Variants in PIK3CB observed in about 807,000 individuals in gnomAD.
The protein encoded by PIK3CB is phosphatidylinositol-4,5-bisphosphate 3-kinase catalytic subunit beta.
Under a neutral mutation model 136.8 loss-of-function variants are expected in PIK3CB, and 39 were observed. The observed-to-expected ratio is 0.29, with a 90% confidence interval of 0.22 to 0.37. PIK3CB has a LOEUF of 0.37. Among genes scored for constraint, PIK3CB ranks in the 10% least tolerant of loss-of-function variants. The pLI is 1.00. For missense variants in PIK3CB, 868 were observed against 1,275.4 expected (o/e 0.68, Z 4.87); for synonymous variants, 428 against 436.6 (o/e 0.98, Z 0.25).
At chr3:138,725,518 C>T (rs1316340446) in intron 8 of PIK3CB, among the ~76,000 whole-genome samples, 1 of 152,244 alleles carries the variant, frequency 6.6e-6, no homozygotes, top group East Asian at 1.9e-4. Context: ...GGGGCTCTAT[C>T]GAATTTTTCT....
chr3:138,701,849 TAGAA>T (rs1360054274), intron 12 of PIK3CB, among the ~76,000 whole-genome samples: 1 of 150,728 alleles, frequency 6.6e-6, no homozygotes, highest in African/African-American at 2.4e-5. Flanking sequence ...TATGGAATGT[TAGAA>T]AGGTATTTTT....
intron 14 of PIK3CB, among the ~76,000 whole-genome samples, chr3:138,693,966 T>TATATAA (rs1457395869): frequency 7.1e-5 from 3 of 42,406 alleles, no homozygotes; most frequent in Non-Finnish European, 1.1e-4. Flanking sequence ...TATATATATA[T>TATATAA]TATATATATA....
intron 21 of PIK3CB, among the ~76,000 whole-genome samples, chr3:138,658,792 T>G (rs1261351134): frequency 6.6e-6 from 1 of 152,248 alleles, no homozygotes; most frequent in Non-Finnish European, 1.5e-5. Context: ...CATTCATTCA[T>G]TTAGCTTAGT....
At chr3:138,761,280 G>C (rs1434375134) in intron 2 of PIK3CB, among the ~76,000 whole-genome samples, 1 of 152,142 alleles carries the variant, frequency 6.6e-6, no homozygotes, top group East Asian at 1.9e-4. Context: ...AGGAAACAGA[G>C]AAAAAAGTTA....
chr3:138,781,736 T>C (rs1372224627), intron 2 of PIK3CB, among the ~76,000 whole-genome samples: 1 of 152,148 alleles, frequency 6.6e-6, no homozygotes, highest in Non-Finnish European at 1.5e-5. Context: ...ATTACAGGCG[T>C]GTGCCACCGT....
In PIK3CB at chr3:138,733,403, G is replaced by C; in HGVS notation, c.1008C>G (p.Val336=). ...VWENNNPFQI[V]LVKGNKLNTE... ...TGTTAAGTTTATTTCCCTTAACCAA[G>C]ACAATTTGGAAAGGGTTGTTATTTT... The change falls in exon 8 of 24, where the codon GTC becomes GTG. Residue 336 remains valine, a synonymous_variant. Coordinates refer to ENST00000674063, the MANE Select transcript of PIK3CB (RefSeq NM_006219.3). 6.4e-7 allele frequency: 1 copy of C among 1,565,624 alleles called. No individual in the cohort carries two copies.
chr3:138,710,398 A>G (rs1003247744), intron 10 of PIK3CB, among the ~76,000 whole-genome samples: 1 of 152,226 alleles, frequency 6.6e-6, no homozygotes, highest in Admixed American at 6.5e-5. Context: ...CTGCTAGTAC[A>G]TGAACATTTT....
chr3:138,743,388 A>G (rs2045283385), intron 4 of PIK3CB, among the ~76,000 whole-genome samples: 2 of 152,222 alleles, frequency 1.3e-5, no homozygotes. Context: ...TAAATTTTAT[A>G]GACTGAATTT....
At chr3:138,765,461 G>T (rs578140153) in intron 2 of PIK3CB, among the ~76,000 whole-genome samples, 1 of 152,020 alleles carries the variant, frequency 6.6e-6, no homozygotes, top group African/African-American at 2.4e-5. Flanking sequence ...AACAGCCTCC[G>T]CAAGTGATAC....
rs536135870 is a variant in PIK3CB, at chr3:138,785,244, A to C, written c.-17+11219T>G. ...CCTGTCCCGGAGGGAGGCGGGGGGA[A>C]GCTCCCGCCCGGCAGCCGCCCCCTC... On this transcript the variant is annotated intron_variant, in intron 2 of 23. Transcript: ENST00000674063. 3.4e-5 allele frequency among the ~76,000 whole-genome samples: 5 copies of C among 148,396 alleles called. No individual in the cohort carries two copies. The East Asian group carries it at 1.0e-3, about 31-fold the overall frequency.
chr3:138,656,391 G>A (rs1247918176), intron 22 of PIK3CB, 117 bp from the exon 23 acceptor site: 2 of 1,071,860 alleles, frequency 1.9e-6, no homozygotes, highest in East Asian at 2.6e-5. Flanking sequence ...AATTCCTACT[G>A]AACTAAAGGT....
intron 8 of PIK3CB, among the ~76,000 whole-genome samples, chr3:138,730,398 T>C (rs1349770038): frequency 6.6e-6 from 1 of 152,160 alleles, no homozygotes; most frequent in African/African-American, 2.4e-5. Context: ...AGGAAGAAAT[T>C]AAGTAAAGGG....
chr3:138,714,635 G>C lies in PIK3CB; in HGVS notation c.1135C>G (p.His379Asp). ...AATTCCAGTGGTTCATTCCAAATAT[G>C]ATCATTTTTCCCTGATACCTCTGAG... ...VSSEVSGKND[H>D]IWNEPLEFDI... is the part of the protein sequence containing the mutation. Residue 379 changes from histidine to aspartate, a missense_variant, in exon 9 of 24, where the codon CAT becomes GAT. Around this residue, in one of 4 missense-constraint regions of PIK3CB, gnomAD observed 612 missense variants for 801.1 expected, o/e 0.76. Transcript: ENST00000674063. 1.2e-6 allele frequency: 2 copies of C among 1,612,742 alleles called. No individual in the cohort carries two copies. Among genetic ancestry groups the C allele is most frequent in the Non-Finnish European group, 1.7e-6 (2 of 1,178,792 alleles).
At position 138,705,155 on chromosome 3, in the gene PIK3CB, C is replaced by CAAAAAAAAAAAAAAAAA. The variant is rs1312893752; in HGVS notation, c.1531-679_1531-663dup. Reference sequence around the variant, plus strand: ...AAGACTCTCCAAGAGATTAGAAAGGCAAAAAAAAAAAAAAAAAACAAAAAA... The same window carrying CAAAAAAAAAAAAAAAAA: ...AAGACTCTCCAAGAGATTAGAAAGGCAAAAAAAAAAAAAAAAAAAAAAAAAAAAAAAAAAACAAAAAA... On this transcript the variant is annotated intron_variant, in intron 11 of 23. Transcript: ENST00000674063. Among the ~76,000 whole-genome samples the CAAAAAAAAAAAAAAAAA allele has an allele frequency of 2.2e-3, 66 of 29,764 alleles. 5 individuals carry two copies. The highest frequency in any genetic ancestry group is 0.022 in the Middle Eastern group (1 of 46). The allele number at this position is 29,764 out of a possible 152,430, so 19.5% of individuals were successfully genotyped here.
rs183734508 is a variant in PIK3CB at position 138,663,445 on chromosome 3, G to A, written c.2796+461C>T. On this transcript the variant is annotated intron_variant, in intron 21 of 23. Coordinates refer to ENST00000674063, the MANE Select transcript of PIK3CB (RefSeq NM_006219.3). The stretch of plus-strand genomic sequence containing the variant: ...TGCCCAGGCTGGAGCACAGTGAGGC[G>A]ATCTCGGCTCACTGCAACCTCCGCC... Among the ~76,000 whole-genome samples the A allele has an allele frequency of 3.0e-4, 46 of 152,204 alleles. No homozygotes were observed. The East Asian group carries it at 7.7e-3, about 26-fold the overall frequency.
chr3:138,749,191 C>T (rs912308807), intron 4 of PIK3CB, among the ~76,000 whole-genome samples: 2 of 152,074 alleles, frequency 1.3e-5, no homozygotes, highest in Admixed American at 1.3e-4. Context: ...TTACAGGTGA[C>T]GAAAGGGAAA....
chr3:138,804,762 C>T (rs1007573805), intron 1 of PIK3CB, among the ~76,000 whole-genome samples: 2 of 152,046 alleles, frequency 1.3e-5, no homozygotes, highest in African/African-American at 4.8e-5. Flanking sequence ...CGGTGGCTCA[C>T]ACCTGTAATC....
rs374960735 is a variant in PIK3CB, at chr3:138,713,886, C to G, written c.1302+582G>C. On this transcript the variant is annotated intron_variant, in intron 9 of 23. Transcript: ENST00000674063. Reference sequence around the variant, plus strand: ...TCATAATTTCAAAATCCGAGAAGCTCTAAAAACTGAAGGTTTGTTCATAGC... The same window carrying G: ...TCATAATTTCAAAATCCGAGAAGCTGTAAAAACTGAAGGTTTGTTCATAGC... Among the ~76,000 whole-genome samples, 230 of 152,244 alleles carry G rather than the reference C, an allele frequency of 1.5e-3. 3 individuals are homozygous for G. In the South Asian group the frequency reaches 0.042, roughly 28 times the overall value.
chr3:138,709,830 G>A (rs926037668), intron 10 of PIK3CB, among the ~76,000 whole-genome samples: 5 of 152,086 alleles, frequency 3.3e-5, no homozygotes, highest in Non-Finnish European at 7.4e-5. Context: ...AGAAAGTACA[G>A]TATTTTGCTG....
Sources: gnomAD v4.1 joint callset for allele counts (sites outside exome capture counted in the v4.1 genomes callset) on GRCh38, gnomAD v4.1.1 for gene constraint, gnomAD v4.1.1 regional missense constraint, MANE v1.5 for transcripts, NCBI Gene and HGNC (gene_info 2026-07-23, HGNC 2026-07-21) for gene names.